The following RNF220 variants were observed in gnomAD, a reference collection of about 807,000 sequenced individuals.
RNF220 encodes the protein ring finger protein 220.
A neutral mutation model predicts 67.1 loss-of-function variants in RNF220; 7 were observed. The ratio of observed to expected loss-of-function variants is 0.10; its 90% CI spans 0.06 to 0.20. RNF220 has a LOEUF of 0.20. Among genes scored for constraint, RNF220 ranks in the 10% least tolerant of loss-of-function variants. The pLI is 1.00. For missense variants in RNF220, 565 were observed against 740.3 expected (o/e 0.76, Z 2.75); for synonymous variants, 270 against 283.2 (o/e 0.95, Z 0.47).
intron 2 of RNF220, among the ~76,000 whole-genome samples, chr1:44,605,311 A>AAAAAAAAG (rs35126399): frequency 1.4e-5 from 2 of 143,410 alleles, no homozygotes; most frequent in African/African-American, 2.6e-5. Flanking sequence ...AAAAAAAAAA[A>AAAAAAAAG]AGAAAAGAAA....
chr1:44,431,938 T>C (rs1307325865), intron 2 of RNF220, among the ~76,000 whole-genome samples: 1 of 152,244 alleles, frequency 6.6e-6, no homozygotes, highest in Non-Finnish European at 1.5e-5. Context: ...TACCTTCTCA[T>C]GTAGTAGAAA....
chr1:44,548,359 T>C (rs1281865857), intron 2 of RNF220, among the ~76,000 whole-genome samples: 1 of 152,170 alleles, frequency 6.6e-6, no homozygotes, highest in Non-Finnish European at 1.5e-5. Context: ...CCTCATTGCT[T>C]CCAGGATTAC....
In RNF220 at chr1:44,614,205, A is replaced by G; in HGVS notation, c.666A>G (p.Pro222=). The part of the protein sequence containing the change: ...KAAALFDSQA[P]ICPICQVLLR... Reference sequence around the variant, plus strand: ...CGGCATTGTTCGACAGCCAGGCCCCAATTTGCCCCATCTGCCAGGTCCTGC... The same window carrying G: ...CGGCATTGTTCGACAGCCAGGCCCCGATTTGCCCCATCTGCCAGGTCCTGC... The change falls in exon 3 of 15, where the codon CCA becomes CCG. Residue 222 remains proline (P), a synonymous_variant. Transcript: ENST00000361799. 6.2e-7 allele frequency: 1 copy of G among 1,614,200 alleles called. No individual in the cohort carries two copies. The highest frequency in any genetic ancestry group is 8.5e-7 in the Non-Finnish European group (1 of 1,180,024).
At chr1:44,504,757 T>C (rs1658259159) in intron 2 of RNF220, among the ~76,000 whole-genome samples, 1 of 152,198 alleles carries the variant, frequency 6.6e-6, no homozygotes. Flanking sequence ...AGAATCTCTT[T>C]TTGGAAAATT....
intron 2 of RNF220, among the ~76,000 whole-genome samples, chr1:44,536,121 G>A (rs1461972396): frequency 6.6e-6 from 1 of 152,150 alleles, no homozygotes; most frequent in Non-Finnish European, 1.5e-5. Flanking sequence ...ATGGAGTAGG[G>A]TGACCTTAGG....
chr1:44,520,278 CA>C (rs1481894689), intron 2 of RNF220, among the ~76,000 whole-genome samples: 1 of 151,748 alleles, frequency 6.6e-6, no homozygotes, highest in Non-Finnish European at 1.5e-5. Context: ...CTGGCTAACA[CA>C]GTGAAACCCC....
At chr1:44,469,509 C>T (rs1654604778) in intron 2 of RNF220, among the ~76,000 whole-genome samples, 1 of 152,216 alleles carries the variant, frequency 6.6e-6, no homozygotes, top group Admixed American at 6.5e-5. Flanking sequence ...CCTCTTGGGA[C>T]ACAGTCCCAG....
intron 2 of RNF220, among the ~76,000 whole-genome samples, chr1:44,611,624 C>T (rs1421049022): frequency 6.6e-6 from 1 of 152,196 alleles, no homozygotes; most frequent in African/African-American, 2.4e-5. Context: ...ACCTCGCCCA[C>T]AGATCCTGCC....
At chr1:44,589,490 T>C (rs1456093955) in intron 2 of RNF220, among the ~76,000 whole-genome samples, 1 of 151,864 alleles carries the variant, frequency 6.6e-6, no homozygotes, top group Non-Finnish European at 1.5e-5. Flanking sequence ...GACGGGCGCC[T>C]GTAGTCCCAG....
rs1573126750 is a variant in RNF220, at chr1:44,632,405, T to TCCCTCCGCCCCACCCCC, written c.949+21_949+37dup. The TCCCTCCGCCCCACCCCC allele has an allele frequency of 1.8e-6, 2 of 1,104,974 alleles. No homozygotes were observed. The highest frequency in any genetic ancestry group is 2.3e-6 in the Non-Finnish European group (2 of 863,466). The allele number at this position is 1,104,974 out of a possible 1,614,324, so 68.4% of individuals were successfully genotyped here. On this transcript the variant is annotated intron_variant, in intron 6 of 14. Transcript: ENST00000361799. The stretch of plus-strand genomic sequence containing the variant: ...TGAATGGTGAGTCCTGCCCGGCCCC[T>TCCCTCCGCCCCACCCCC]CCCTCCGCCCCACCCCCGGCCTCCT...
chr1:44,643,344 A>G (rs1299460455), intron 8 of RNF220: 1 of 152,190 alleles, frequency 6.6e-6, no homozygotes. Context: ...TATACAGGCT[A>G]TGTTTGTGGT....
At chr1:44,587,145 CTT>C (rs60300155) in intron 2 of RNF220, among the ~76,000 whole-genome samples, 4 of 124,118 alleles carry the variant, frequency 3.2e-5, no homozygotes, top group Admixed American at 8.0e-5. Flanking sequence ...CTTCTTCTTC[CTT>C]TTTTTTTTTT....
intron 2 of RNF220, among the ~76,000 whole-genome samples, chr1:44,552,079 A>G (rs1662681703): frequency 6.6e-6 from 1 of 152,234 alleles, no homozygotes; most frequent in African/African-American, 2.4e-5. Flanking sequence ...ACTGGAGTAT[A>G]GAGGCTACTT....
At chr1:44,614,782 GCCTC>G (rs1643476161) in intron 3 of RNF220, among the ~76,000 whole-genome samples, 4 of 142,888 alleles carry the variant, frequency 2.8e-5, no homozygotes, top group Admixed American at 2.8e-4. Context: ...CTCACCCCCA[GCCTC>G]CCTCCCTTGT....
chr1:44,478,729 A>AG (rs977963727), intron 2 of RNF220, among the ~76,000 whole-genome samples: 1 of 152,072 alleles, frequency 6.6e-6, no homozygotes, highest in African/African-American at 2.4e-5. Flanking sequence ...CTCTAAAAAA[A>AG]AGAGAGAGAG....
intron 3 of RNF220, among the ~76,000 whole-genome samples, chr1:44,618,386 CACAG>C (rs1643650125): frequency 6.6e-6 from 1 of 152,216 alleles, no homozygotes; most frequent in Non-Finnish European, 1.5e-5. Flanking sequence ...TACATGGGTG[CACAG>C]ACACTTACAG....
chr1:44,645,748 G>C lies in RNF220; in HGVS notation c.1445+260G>C, dbSNP rs1644624759. 6.6e-6 allele frequency among the ~76,000 whole-genome samples: 1 copy of C among 152,268 alleles called. No individual in the cohort carries two copies. The highest frequency in any genetic ancestry group is 6.5e-5 in the Admixed American group (1 of 15,294). ...CTGCCTGCCTGCCTGCCCGCCTGCT[G>C]CGGCGGCCTTCGCCCGGGGAATGTG... On this transcript the variant is annotated intron_variant, in intron 12 of 14. Transcript: ENST00000361799. This position sits in a 1 kb window ranked among gnomAD's most constrained non-coding sequence, Gnocchi z 5.0.
chr1:44,636,792 C>T (rs1345564204), intron 8 of RNF220, among the ~76,000 whole-genome samples: 1 of 152,252 alleles, frequency 6.6e-6, no homozygotes, highest in African/African-American at 2.4e-5. Flanking sequence ...TGGGCTCTCC[C>T]CAGTTGCTAC....
chr1:44,629,951 T>C (rs1026577943), intron 5 of RNF220, among the ~76,000 whole-genome samples: 2 of 152,194 alleles, frequency 1.3e-5, no homozygotes, highest in Admixed American at 6.5e-5. Flanking sequence ...GGAAAGTTAG[T>C]AGGTGAAGCT....
Sources: allele counts gnomAD v4.1 joint callset (sites outside exome capture counted in the v4.1 genomes callset), GRCh38; gene constraint gnomAD v4.1.1; non-coding constraint Gnocchi (gnomAD v3.1); transcripts MANE v1.5; gene names NCBI Gene and HGNC (gene_info 2026-07-23, HGNC 2026-07-21).